The following AP3B2 variants were observed in gnomAD, a reference collection of about 807,000 sequenced individuals.
The protein encoded by AP3B2 is adaptor related protein complex 3 subunit beta 2, also known as AP-3 complex subunit beta-2.
AP3B2 carries 50 observed loss-of-function variants against 126.9 expected under a neutral mutation model. The observed-to-expected ratio is 0.39, with a 90% confidence interval of 0.31 to 0.50. The LOEUF (loss-of-function observed/expected upper bound fraction) is 0.50, where lower values mean the gene tolerates loss of function less well. AP3B2 is among the 20% of genes least tolerant of loss of function. The pLI is 0.79. For synonymous variants in AP3B2, 541 were observed against 565.0 expected (o/e 0.96, Z 0.60); for missense variants, 1,177 against 1,426.4 (o/e 0.83, Z 2.82).
Position 82,680,912 on chromosome 15 carries a change from C to T in AP3B2, c.696G>A (p.Glu232=), listed in dbSNP as rs1212746628. 34 of 1,613,872 alleles carry T rather than the reference C, an allele frequency of 2.1e-5. No homozygotes were observed. The highest frequency in any genetic ancestry group is 2.8e-5 in the Non-Finnish European group (33 of 1,179,898). ...TGATGATGACCACCTGGCCCCACTCCTCCACGTCGATCAGCAGGTTACAGA... is the reference window on the plus strand; with the variant it reads ...TGATGATGACCACCTGGCCCCACTCTTCCACGTCGATCAGCAGGTTACAGA... The part of the protein sequence containing the change: ...RKLCNLLIDV[E]EWGQVVIISM... Residue 232 remains glutamate (E), a synonymous_variant, in exon 7 of 27, where the codon GAG becomes GAA. Coordinates refer to ENST00000535359, the MANE Select transcript of AP3B2 (RefSeq NM_001278512.2). The surrounding 1 kb of genome is among the most constrained non-coding windows in gnomAD (Gnocchi z 6.1).
rs2048009457 is a variant in AP3B2, at chr15:82,664,187, C to T, written c.2261+180G>A. On this transcript the variant is annotated intron_variant, in intron 19 of 26. Coordinates refer to ENST00000535359, the MANE Select transcript of AP3B2 (RefSeq NM_001278512.2). This position sits in a 1 kb window ranked among gnomAD's most constrained non-coding sequence, Gnocchi z 4.5. ...GACTCTGGTTGCTTCTCCACACCAG[C>T]CCATGAGGCCTCAGAGATCTCCTGC... Among the ~76,000 whole-genome samples, 1 of 152,222 alleles carries T rather than the reference C, an allele frequency of 6.6e-6. No homozygotes were observed. Among genetic ancestry groups the T allele is most frequent in the Non-Finnish European group, 1.5e-5 (1 of 68,038 alleles).
At chr15:82,695,812 T>C (rs2048621625) in intron 1 of AP3B2, among the ~76,000 whole-genome samples, 1 of 152,208 alleles carries the variant, frequency 6.6e-6, no homozygotes, top group Non-Finnish European at 1.5e-5. Context: ...GGAATTGGCA[T>C]CTGAAGCAGA....
At chr15:82,670,114 GC>G (rs202112936) in intron 14 of AP3B2, among the ~76,000 whole-genome samples, 1,026 of 90,776 alleles carry the variant, frequency 0.011, 126 homozygotes, top group African/African-American at 0.017. Flanking sequence ...TTTTTTTTTG[GC>G]GGGGGGGGAC....
chr15:82,703,338 CT>C (rs2048749616), intron 1 of AP3B2, among the ~76,000 whole-genome samples: 1 of 151,700 alleles, frequency 6.6e-6, no homozygotes, highest in East Asian at 1.9e-4. Context: ...GACTCCTTCT[CT>C]CTGTGTCTCT....
At chr15:82,659,809 A>G in intron 26 of AP3B2, 36 bp downstream of exon 26, 2 of 1,610,996 alleles carry the variant, frequency 1.2e-6, no homozygotes, top group Non-Finnish European at 1.7e-6. Flanking sequence ...CAGGGCCCCC[A>G]TGCTCATCAT....
chr15:82,707,480 C>A (rs2048814648), intron 1 of AP3B2, among the ~76,000 whole-genome samples: 1 of 152,204 alleles, frequency 6.6e-6, no homozygotes, highest in Admixed American at 6.5e-5. Flanking sequence ...TAGTCATACT[C>A]CTATTCACCA....
In AP3B2 at chr15:82,662,895, G is replaced by A. The variant is rs201234574; in HGVS notation, c.2632C>T (p.Arg878Trp). Residue 878 changes from arginine (R) to tryptophan (W), a missense_variant, in exon 23 of 27, where the codon CGG becomes TGG. Transcript: ENST00000535359. ...SLLSPVSGVG[R>W]QELLHRVAGE... ...GCTACCCGGTGCAGCAGCTCCTGCC[G>A]CCCAACACCCGATACTGGACTCAGA... is the stretch of plus-strand genomic sequence containing the variant. 4.9e-5 allele frequency: 79 copies of A among 1,612,990 alleles called. 1 individual carries two copies. The highest frequency in any genetic ancestry group is 5.3e-5 in the African/African-American group (4 of 74,902).
At chr15:82,693,855 C>A (rs1208831775) in intron 1 of AP3B2, among the ~76,000 whole-genome samples, 1 of 151,886 alleles carries the variant, frequency 6.6e-6, no homozygotes, top group Non-Finnish European at 1.5e-5. Context: ...CATGCGCCAC[C>A]ATGCCCAGCT....
chr15:82,672,046 A>C (rs573802998), intron 14 of AP3B2, among the ~76,000 whole-genome samples: 153 of 152,220 alleles, frequency 1.0e-3, no homozygotes, highest in Non-Finnish European at 1.6e-3. Flanking sequence ...TCCATCTCAA[A>C]CAAACAAACA....
At chr15:82,703,188 G>C (rs932362916) in intron 1 of AP3B2, among the ~76,000 whole-genome samples, 4 of 152,114 alleles carry the variant, frequency 2.6e-5, no homozygotes, top group African/African-American at 9.7e-5. Flanking sequence ...AGAGTTGTCT[G>C]ATCACCGCGA....
chr15:82,704,481 G>C lies in AP3B2; in HGVS notation c.113+5113C>G, dbSNP rs1339001038. 3.3e-5 allele frequency among the ~76,000 whole-genome samples: 5 copies of C among 152,236 alleles called. No homozygotes were observed. In the East Asian group the frequency reaches 9.6e-4, roughly 29 times the overall value. ...AGAACTTCAAAATGCCTAAGCTGCA[G>C]CAGTCAAGCATTCCTACAGGACCTT... On this transcript the variant is annotated intron_variant, in intron 1 of 26. Transcript: ENST00000535359.
At chr15:82,659,760 T>C in intron 26 of AP3B2, 50 bp from the exon 27 acceptor site, 1 of 1,610,056 alleles carries the variant, frequency 6.2e-7, no homozygotes, top group East Asian at 2.2e-5. Context: ...GGTGACTGTG[T>C]TTGGAAGGGG....
rs768300580 is a variant in AP3B2, at chr15:82,665,152, C to CA, written c.2028+94dup. On this transcript the variant is annotated intron_variant, in intron 17 of 26. Coordinates refer to ENST00000535359, the MANE Select transcript of AP3B2 (RefSeq NM_001278512.2). This position sits in a 1 kb window ranked among gnomAD's most constrained non-coding sequence, Gnocchi z 4.4. ...GAGCACTGCCAAACCAAGGTGGAAA[C>CA]AGAGTATGGGAAGGCCCAGGAGCAC... 8.1e-5 allele frequency: 113 copies of CA among 1,390,474 alleles called. No homozygotes were observed. The highest frequency in any genetic ancestry group is 1.0e-4 in the Non-Finnish European group (103 of 1,018,810). The allele number at this position is 1,390,474 out of a possible 1,614,324, so 86.1% of individuals were successfully genotyped here. A position where few individuals can be genotyped will look rare whatever the true frequency, so the allele number is the denominator to read the frequency against.
intron 4 of AP3B2, chr15:82,688,179 T>C: frequency 2.0e-6 from 1 of 494,792 alleles, no homozygotes; most frequent in Non-Finnish European, 3.6e-6. Flanking sequence ...AAATCCAATA[T>C]GGAGAGAATG....
Position 82,664,870 on chromosome 15 carries a change from T to C in AP3B2, c.2102A>G (p.Glu701Gly). The change falls in exon 18 of 27, where the codon GAG (glutamate) becomes GGG (glycine). Residue 701 changes from glutamate to glycine, a missense_variant. Physicochemically the swap from Glu to Gly is moderately conservative, Grantham distance 98. Transcript: ENST00000535359. This position sits in a 1 kb window ranked among gnomAD's most constrained non-coding sequence, Gnocchi z 4.5. ...GGACTCCGTGGGGCCTGACTCCCCC[T>C]CAGAGTCCGAGTAGAAGGGTTTTTC... is the stretch of plus-strand genomic sequence containing the variant. ...EKEKPFYSDS[E>G]GESGPTESAD... 6.2e-7 allele frequency: 1 copy of C among 1,603,028 alleles called. No homozygotes were observed. The highest frequency in any genetic ancestry group is 2.2e-5 in the East Asian group (1 of 44,610).
intron 4 of AP3B2, among the ~76,000 whole-genome samples, chr15:82,683,765 T>G (rs1339597868): frequency 1.3e-5 from 2 of 152,226 alleles, no homozygotes; most frequent in South Asian, 2.1e-4. Flanking sequence ...GAGATGTATT[T>G]CTTAAATAAT....
At chr15:82,662,592 T>C (rs1475476628) in intron 23 of AP3B2, 102 bp downstream of exon 23, 1 of 1,114,692 alleles carries the variant, frequency 9.0e-7, no homozygotes, top group East Asian at 2.6e-5. Flanking sequence ...TGTGCCCCTA[T>C]AGCTTGGCCC....
At position 82,680,891 on chromosome 15, in the gene AP3B2, G is replaced by A. The variant is rs2048327879; in HGVS notation, c.717C>T (p.Ile239=). The change falls in exon 7 of 27, where the codon ATC becomes ATT. Residue 239 remains isoleucine, a synonymous_variant. Transcript: ENST00000535359. This position sits in a 1 kb window ranked among gnomAD's most constrained non-coding sequence, Gnocchi z 6.1. ...IDVEEWGQVV[I]ISMLTRYART... is the part of the protein sequence containing the mutation. Reference sequence around the variant, plus strand: ...GGGCGTAGCGGGTGAGCATGCTGATGATGACCACCTGGCCCCACTCCTCCA... The same window carrying A: ...GGGCGTAGCGGGTGAGCATGCTGATAATGACCACCTGGCCCCACTCCTCCA... 6.2e-7 allele frequency: 1 copy of A among 1,613,820 alleles called. No individual in the cohort carries two copies. The highest frequency in any genetic ancestry group is 8.5e-7 in the Non-Finnish European group (1 of 1,179,880).
chr15:82,664,349 G>T lies in AP3B2; in HGVS notation c.2261+18C>A. On this transcript the variant is annotated intron_variant, in intron 19 of 26. Transcript: ENST00000535359. This position sits in a 1 kb window ranked among gnomAD's most constrained non-coding sequence, Gnocchi z 4.5. ...GCCCCCTGAACCCCACCAGCCATCT[G>T]GCTAGCTCCCTTCTCACCTCTCACT... is the stretch of plus-strand genomic sequence containing the variant. 3 of 1,613,678 alleles carry T rather than the reference G, an allele frequency of 1.9e-6. No homozygotes were observed. Among genetic ancestry groups the T allele is most frequent in the Middle Eastern group, 1.7e-4 (1 of 6,060 alleles).
Sources: gnomAD v4.1 joint callset for allele counts (sites outside exome capture counted in the v4.1 genomes callset) on GRCh38, gnomAD v4.1.1 for gene constraint, Gnocchi (gnomAD v3.1) non-coding constraint, MANE v1.5 for transcripts, NCBI Gene and HGNC (gene_info 2026-07-23, HGNC 2026-07-21) for gene names.